FRYL: variants seen among roughly 807,000 people sequenced by gnomAD.
FRYL encodes protein furry homolog-like.
Under a neutral mutation model 351.2 loss-of-function variants are expected in FRYL, and 150 were observed. The observed-to-expected ratio is 0.43, with a 90% confidence interval of 0.37 to 0.49. The LOEUF (loss-of-function observed/expected upper bound fraction) is 0.49. FRYL is among the 20% of genes least tolerant of loss of function. The pLI is 0.00. For missense variants in FRYL, 3,036 were observed against 3,619.3 expected (o/e 0.84, Z 4.13); for synonymous variants, 1,153 against 1,257.1 (o/e 0.92, Z 1.75).
chr4:48,624,390 G>A (rs1166282184), intron 4 of FRYL, among the ~76,000 whole-genome samples: 2 of 152,050 alleles, frequency 1.3e-5, no homozygotes, highest in Non-Finnish European at 2.9e-5. Flanking sequence ...CTGAGTCCAG[G>A]GGGCATAATA....
At chr4:48,709,511 A>C (rs1767775090) in intron 2 of FRYL, among the ~76,000 whole-genome samples, 2 of 152,204 alleles carry the variant, frequency 1.3e-5, no homozygotes, top group African/African-American at 4.8e-5. Context: ...CTGACAGTGG[A>C]GATCTTATTC....
intron 4 of FRYL, among the ~76,000 whole-genome samples, chr4:48,633,084 C>T (rs1031951837): frequency 6.6e-6 from 1 of 152,110 alleles, no homozygotes; most frequent in African/African-American, 2.4e-5. Context: ...CATCCTTCGC[C>T]TTCCTCTCCA....
At chr4:48,613,522 C>T (rs1168795549) in intron 7 of FRYL, among the ~76,000 whole-genome samples, 1 of 152,190 alleles carries the variant, frequency 6.6e-6, no homozygotes, top group Non-Finnish European at 1.5e-5. Flanking sequence ...CCACCATCAA[C>T]ATTTTCTATG....
intron 3 of FRYL, among the ~76,000 whole-genome samples, chr4:48,672,659 C>T (rs1762925051): frequency 6.6e-6 from 1 of 152,176 alleles, no homozygotes; most frequent in Non-Finnish European, 1.5e-5. Flanking sequence ...AGGCATTGTG[C>T]TGCCCAGCAA....
chr4:48,518,983 G>A (rs953184464), intron 55 of FRYL, among the ~76,000 whole-genome samples: 2 of 152,206 alleles, frequency 1.3e-5, no homozygotes, highest in African/African-American at 2.4e-5. Flanking sequence ...ACGAGGTAGC[G>A]CCTCAGTAGA....
chr4:48,553,495 A>C (rs1292708970), intron 35 of FRYL, 112 bp from the exon 36 acceptor site: 7 of 680,702 alleles, frequency 1.0e-5, no homozygotes, highest in Non-Finnish European at 1.8e-5. Flanking sequence ...AGATGAATAA[A>C]CACAATCTAA....
chr4:48,625,537 C>A (rs1216906649), intron 4 of FRYL, among the ~76,000 whole-genome samples: 2 of 152,150 alleles, frequency 1.3e-5, no homozygotes, highest in African/African-American at 4.8e-5. Context: ...ATTCCCTAAA[C>A]AATATAGTAT....
At chr4:48,580,976 A>C in intron 21 of FRYL, 25 bp from the exon 22 acceptor site, 2 of 1,475,108 alleles carry the variant, frequency 1.4e-6, no homozygotes, top group African/African-American at 1.4e-5. Context: ...TCATATGTCT[A>C]AAAAAATTAG....
intron 1 of FRYL, among the ~76,000 whole-genome samples, chr4:48,773,209 C>T (rs1346333962): frequency 1.3e-5 from 2 of 152,072 alleles, no homozygotes; most frequent in African/African-American, 4.8e-5. Context: ...GATTATCTAT[C>T]ATTATTATTA....
chr4:48,728,416 G>A (rs1022091283), intron 1 of FRYL, among the ~76,000 whole-genome samples: 5 of 152,020 alleles, frequency 3.3e-5, no homozygotes, highest in African/African-American at 1.2e-4. Flanking sequence ...TAACATGTGT[G>A]AAATGGGAGT....
chr4:48,688,614 A>G (rs1055710095), intron 2 of FRYL, among the ~76,000 whole-genome samples: 1 of 150,408 alleles, frequency 6.6e-6, no homozygotes, highest in Non-Finnish European at 1.5e-5. Flanking sequence ...TATAATTTTT[A>G]AATTTTTTTA....
chr4:48,619,222 A>T, intron 7 of FRYL, 52 bp downstream of exon 7: 1 of 1,120,904 alleles, frequency 8.9e-7, no homozygotes, highest in Non-Finnish European at 1.4e-6. Context: ...ACACGAAGGC[A>T]CAGTAAGCAA....
chr4:48,547,874 A>C, intron 40 of FRYL, 105 bp from the exon 41 acceptor site: 1 of 729,812 alleles, frequency 1.4e-6, no homozygotes, highest in Non-Finnish European at 2.0e-6. Context: ...GAAAGATTTC[A>C]TGGAAGGTGA....
chr4:48,573,086 T>TAC, intron 26 of FRYL, 100 bp downstream of exon 26: 1 of 805,912 alleles, frequency 1.2e-6, no homozygotes, highest in Non-Finnish European at 2.1e-6. Context: ...AAAAGAAGAA[T>TAC]ACACTAGATA....
chr4:48,650,127 T>A (rs1458234949), intron 3 of FRYL, among the ~76,000 whole-genome samples: 3 of 152,198 alleles, frequency 2.0e-5, no homozygotes, highest in African/African-American at 7.2e-5. Flanking sequence ...TAAAATGTTA[T>A]GAAAATGTAT....
intron 3 of FRYL, among the ~76,000 whole-genome samples, chr4:48,674,184 G>A (rs532867611): frequency 1.1e-4 from 16 of 152,184 alleles, no homozygotes; most frequent in Middle Eastern, 3.4e-3. Context: ...CCGAGACATA[G>A]AAGGACTTCT....
At chr4:48,745,707 C>CAA (rs1420897959) in intron 1 of FRYL, among the ~76,000 whole-genome samples, 1 of 152,064 alleles carries the variant, frequency 6.6e-6, no homozygotes, top group Non-Finnish European at 1.5e-5. Context: ...ACATATGTAA[C>CAA]AAACCTGCAC....
intron 25 of FRYL, among the ~76,000 whole-genome samples, chr4:48,574,266 T>C (rs948452160): frequency 1.3e-5 from 2 of 152,188 alleles, no homozygotes; most frequent in African/African-American, 4.8e-5. Context: ...CTCTGAATTG[T>C]TTCTAATTAT....
chr4:48,702,099 C>G (rs1766781675), intron 2 of FRYL, among the ~76,000 whole-genome samples: 1 of 152,138 alleles, frequency 6.6e-6, no homozygotes, highest in South Asian at 2.1e-4. Flanking sequence ...TGATCCACCA[C>G]ATGGAATGCT....
Sources: allele counts gnomAD v4.1 joint callset (sites outside exome capture counted in the v4.1 genomes callset), GRCh38; gene constraint gnomAD v4.1.1; transcripts MANE v1.5; gene names NCBI Gene and HGNC (gene_info 2026-07-23, HGNC 2026-07-21).